ANO1: variants seen among roughly 807,000 people sequenced by gnomAD.
ANO1 encodes the protein anoctamin-1.
In ANO1, 59 loss-of-function variants were observed where a neutral mutation model predicts 124.0. That is an observed-to-expected ratio of 0.48 (90% CI 0.39 to 0.59). ANO1 has a LOEUF of 0.59. Ranked by LOEUF, ANO1 falls within the 20% of genes least tolerant of loss-of-function variation. The pLI is 0.00. For synonymous variants in ANO1, 529 were observed against 532.0 expected (o/e 0.99, Z 0.08); for missense variants, 1,059 against 1,328.0 (o/e 0.80, Z 3.15).
At position 70,163,497 on chromosome 11, in the gene ANO1, G is replaced by A. The variant is rs1480963547; in HGVS notation, c.1950+157G>A. ...GGAAACTTTTCTGTTCCCCTGATGT[G>A]GTGGGGTGGGCTTTAATCTTATCTG... On this transcript the variant is annotated intron_variant, in intron 19 of 25. Transcript: ENST00000355303. 14 of 843,356 alleles carry A rather than the reference G, an allele frequency of 1.7e-5. No homozygotes were observed. The East Asian group carries it at 3.4e-4, about 21-fold the overall frequency. The allele number at this position is 843,356 out of a possible 1,614,324, so 52.2% of individuals were successfully genotyped here.
the ANO1 span, among the ~76,000 whole-genome samples, chr11:69,979,475 C>G: frequency 6.6e-6 from 1 of 152,160 alleles, no homozygotes; most frequent in Non-Finnish European, 1.5e-5. Flanking sequence ...GTTTCCTGAG[C>G]TATAAATGGG....
intron 25 of ANO1, among the ~76,000 whole-genome samples, chr11:70,187,151 CAGG>C (rs1370943172): frequency 6.6e-6 from 1 of 152,232 alleles, no homozygotes; most frequent in Non-Finnish European, 1.5e-5. Flanking sequence ...GAGCACCAAC[CAGG>C]AGAAGACACC....
intron 2 of ANO1, among the ~76,000 whole-genome samples, chr11:70,097,539 G>A (rs561183436): frequency 7.4e-4 from 112 of 152,320 alleles, no homozygotes; most frequent in Admixed American, 2.9e-3. Context: ...CTCTGGAGCC[G>A]TGCGGGTGGA....
rs546578340 is a variant in ANO1, at chr11:70,188,097, G to C, written c.*93G>C. On this transcript the variant is annotated 3_prime_UTR_variant, in exon 26 of 26. Coordinates refer to ENST00000355303, the MANE Select transcript of ANO1 (RefSeq NM_018043.7). ...CGGCTTCCCGCTCCCACCAGGGCCC[G>C]GTGGGTCCTGGGTTTTCTGCAAACA... The C allele has an allele frequency of 2.5e-5, 35 of 1,421,784 alleles. No homozygotes were observed. The Admixed American group carries it at 6.0e-4, about 24-fold the overall frequency. The allele number at this position is 1,421,784 out of a possible 1,614,324, so 88.1% of individuals were successfully genotyped here.
intron 10 of ANO1, among the ~76,000 whole-genome samples, chr11:70,127,274 G>A (rs1027907861): frequency 6.6e-6 from 1 of 152,206 alleles, no homozygotes; most frequent in Admixed American, 6.5e-5. Flanking sequence ...GCGCTCGTGG[G>A]CTGTACAGTA....
chr11:70,137,173 G>A (rs983112703), intron 11 of ANO1, among the ~76,000 whole-genome samples: 5 of 147,266 alleles, frequency 3.4e-5, no homozygotes, highest in Non-Finnish European at 7.6e-5. Flanking sequence ...GTCAGCAGCA[G>A]TCTGTCACCG....
At chr11:70,102,114 G>A (rs1309485120) in intron 2 of ANO1, among the ~76,000 whole-genome samples, 1 of 152,242 alleles carries the variant, frequency 6.6e-6, no homozygotes, top group Non-Finnish European at 1.5e-5. Context: ...ATCCAGAGGG[G>A]AGAGGGAAAG....
intron 21 of ANO1, among the ~76,000 whole-genome samples, chr11:70,170,537 A>G (rs543077412): frequency 1.3e-5 from 2 of 152,330 alleles, no homozygotes; most frequent in Admixed American, 1.3e-4. Context: ...GGCTGCAGTG[A>G]GCCATGGTTG....
intron 1 of ANO1, among the ~76,000 whole-genome samples, chr11:70,055,838 G>A (rs1857424354): frequency 6.6e-6 from 1 of 151,392 alleles, no homozygotes; most frequent in African/African-American, 2.4e-5. Context: ...CTTTATTATT[G>A]TTCAATTGGT....
chr11:70,061,372 G>A (rs1032117518), intron 1 of ANO1, among the ~76,000 whole-genome samples: 1 of 152,102 alleles, frequency 6.6e-6, no homozygotes, highest in African/African-American at 2.4e-5. Flanking sequence ...TGTCCCTGAA[G>A]CCTTGGGCAG....
chr11:70,185,534 C>T, intron 24 of ANO1, 56 bp from the exon 25 acceptor site: 1 of 1,535,916 alleles, frequency 6.5e-7, no homozygotes, highest in Non-Finnish European at 9.0e-7. Context: ...CTGACTCCAG[C>T]CAGAGCCTGA....
chr11:69,975,269 T>C, the ANO1 span, among the ~76,000 whole-genome samples: 4 of 152,130 alleles, frequency 2.6e-5, no homozygotes, highest in Non-Finnish European at 4.4e-5. Flanking sequence ...CACAGTGGGC[T>C]CTGTACCCAT....
intron 16 of ANO1, 95 bp downstream of exon 16, chr11:70,157,116 C>G (rs2047846775): frequency 1.7e-6 from 2 of 1,196,438 alleles, no homozygotes; most frequent in Non-Finnish European, 1.2e-6. Context: ...ACTGTAATCC[C>G]AGCACTTTGG....
Position 70,105,735 on chromosome 11 carries a change from T to C in ANO1, c.694T>C (p.Phe232Leu). Reference sequence around the variant, plus strand: ...GTTTCCTTCCCGATATTTCCACAGATTTGACTTGTCTGATAAGGATTCCTT... The same window carrying C: ...GTTTCCTTCCCGATATTTCCACAGACTTGACTTGTCTGATAAGGATTCCTT... ...YPFSREKQHL[F>L]DLSDKDSFFD... Residue 232 changes from phenylalanine (F) to leucine (L), a missense_variant and splice_region_variant, in exon 5 of 26, where the codon TTT becomes CTT. Phe to Leu is a conservative substitution (Grantham distance 22). This residue lies in a region of ANO1 where 809 missense variants were observed against 1,094.9 expected (regional missense o/e 0.74). Transcript: ENST00000355303. 3.7e-6 allele frequency: 6 copies of C among 1,613,626 alleles called. No individual in the cohort carries two copies. The highest frequency in any genetic ancestry group is 5.1e-6 in the Non-Finnish European group (6 of 1,179,686).
At chr11:70,106,467 T>G (rs982249850) in intron 5 of ANO1, among the ~76,000 whole-genome samples, 2 of 152,140 alleles carry the variant, frequency 1.3e-5, no homozygotes, top group Non-Finnish European at 2.9e-5. Flanking sequence ...GAGGAGACAG[T>G]CAGGGTGACC....
chr11:69,987,604 CAAAAAAAAAAAAAAAA>C (rs202001305), intron 1 of ANO1, among the ~76,000 whole-genome samples: 9,227 of 109,912 alleles, frequency 0.084, 477 homozygotes, highest in South Asian at 0.12. Flanking sequence ...GACCATGTCT[CAAAAAAAAAAAAAAAA>C]AAAAAAAAAA....
intron 24 of ANO1, among the ~76,000 whole-genome samples, chr11:70,183,025 A>G (rs971986089): frequency 2.6e-5 from 4 of 152,136 alleles, no homozygotes; most frequent in African/African-American, 9.7e-5. Context: ...GGGAGGATCA[A>G]TTGAGCCTAG....
chr11:70,186,969 C>T (rs1302837263), intron 25 of ANO1, among the ~76,000 whole-genome samples: 2 of 152,202 alleles, frequency 1.3e-5, no homozygotes, highest in African/African-American at 4.8e-5. Flanking sequence ...CCCAAGGGAG[C>T]CCCGGAGCAG....
intron 1 of ANO1, among the ~76,000 whole-genome samples, chr11:69,995,610 G>A (rs1554998256): frequency 6.6e-6 from 1 of 152,140 alleles, no homozygotes; most frequent in African/African-American, 2.4e-5. Flanking sequence ...GTCTTTTGTA[G>A]ACTGTCCCTC....
Sources: gnomAD v4.1 joint callset for allele counts (sites outside exome capture counted in the v4.1 genomes callset) on GRCh38, gnomAD v4.1.1 for gene constraint, gnomAD v4.1.1 regional missense constraint, MANE v1.5 for transcripts, NCBI Gene and HGNC (gene_info 2026-07-23, HGNC 2026-07-21) for gene names.